Variants in RPS6KC1 observed in about 807,000 individuals in gnomAD.
RPS6KC1 encodes ribosomal protein S6 kinase C1.
In RPS6KC1, 54 loss-of-function variants were observed where a neutral mutation model predicts 103.8. The ratio of observed to expected loss-of-function variants is 0.52; its 90% CI spans 0.42 to 0.65. The LOEUF (loss-of-function observed/expected upper bound fraction) is 0.65. Ranked by LOEUF, RPS6KC1 falls within the 30% of genes least tolerant of loss-of-function variation. The probability of loss-of-function intolerance (pLI) is 0.00; values close to 1 mark genes in which losing one functional copy is unlikely to be tolerated. For missense variants in RPS6KC1, 1,151 were observed against 1,253.8 expected, an observed-to-expected ratio of 0.92 and a Z score of 1.24; for synonymous variants, 439 against 438.7, an observed-to-expected ratio of 1.00 and a Z score of -0.01.
At chr1:213,148,699 G>A (rs545235127) in intron 6 of RPS6KC1, among the ~76,000 whole-genome samples, 4 of 152,210 alleles carry the variant, frequency 2.6e-5, no homozygotes, top group African/African-American at 2.4e-5. Flanking sequence ...CTCATAGAAC[G>A]AGTTTATAAG....
chr1:213,474,088 C>T, the RPS6KC1 span, among the ~76,000 whole-genome samples: 1 of 152,202 alleles, frequency 6.6e-6, no homozygotes, highest in East Asian at 1.9e-4. Context: ...CTGCGATTTC[C>T]TCTCCCTTTG....
At chr1:213,461,882 AC>A in the RPS6KC1 span, among the ~76,000 whole-genome samples, 1 of 152,218 alleles carries the variant, frequency 6.6e-6, no homozygotes, top group African/African-American at 2.4e-5. Context: ...TGACTAAAAC[AC>A]CAAAAGCAAT....
At chr1:213,390,475 C>A in the RPS6KC1 span, among the ~76,000 whole-genome samples, 129,373 of 152,268 alleles carry the variant, frequency 0.85, 55,107 homozygotes, top group East Asian at 0.99. Flanking sequence ...ACCATGTAGG[C>A]ACGAGAGAGG....
the RPS6KC1 span, among the ~76,000 whole-genome samples, chr1:213,334,529 C>T: frequency 6.6e-5 from 10 of 152,274 alleles, no homozygotes; most frequent in Admixed American, 2.0e-4. Flanking sequence ...CCTGTACCAT[C>T]GAAGTGGAAG....
intron 8 of RPS6KC1, among the ~76,000 whole-genome samples, chr1:213,202,787 T>C (rs1211032564): frequency 6.6e-6 from 1 of 152,170 alleles, no homozygotes; most frequent in Non-Finnish European, 1.5e-5. Context: ...TTTCAAACCA[T>C]TTTAAAAGAC....
the RPS6KC1 span, chr1:213,821,643 G>C: frequency 6.6e-6 from 1 of 152,022 alleles, no homozygotes; most frequent in Non-Finnish European, 1.5e-5. Context: ...TAATCACTCT[G>C]TCACCTTGAT....
chr1:213,367,737 C>T, the RPS6KC1 span, among the ~76,000 whole-genome samples: 1 of 152,282 alleles, frequency 6.6e-6, no homozygotes, highest in Admixed American at 6.5e-5. Context: ...GGTTCTCAGA[C>T]CACACATTTT....
chr1:213,266,350 GT>G (rs1250774714), intron 14 of RPS6KC1, among the ~76,000 whole-genome samples: 1 of 152,178 alleles, frequency 6.6e-6, no homozygotes, highest in Non-Finnish European at 1.5e-5. Flanking sequence ...ACATCCAAGA[GT>G]GGAATTTCCT....
At chr1:213,357,897 G>A in the RPS6KC1 span, among the ~76,000 whole-genome samples, 1 of 152,240 alleles carries the variant, frequency 6.6e-6, no homozygotes, top group African/African-American at 2.4e-5. Context: ...AGGTGGTACC[G>A]CTTGGCATGA....
chr1:213,152,819 C>T (rs1218511972), intron 6 of RPS6KC1, among the ~76,000 whole-genome samples: 1 of 152,296 alleles, frequency 6.6e-6, no homozygotes, highest in East Asian at 1.9e-4. Flanking sequence ...AGAGATGCTC[C>T]TCACTTCCCA....
At chr1:213,279,612 C>T (rs1201765284), downstream of RPS6KC1, among the ~76,000 whole-genome samples, 1 of 152,122 alleles carries the variant, frequency 6.6e-6, no homozygotes, top group Non-Finnish European at 1.5e-5. Flanking sequence ...CTGATCTTTG[C>T]TCTTAGAAGA....
chr1:213,525,529 T>A, the RPS6KC1 span, among the ~76,000 whole-genome samples: 1 of 152,036 alleles, frequency 6.6e-6, no homozygotes, highest in East Asian at 1.9e-4. Flanking sequence ...GCCAGGAAAC[T>A]TAGATAATCT....
chr1:213,136,135 T>C (rs1412336329), intron 6 of RPS6KC1, among the ~76,000 whole-genome samples: 1 of 152,220 alleles, frequency 6.6e-6, no homozygotes, highest in Non-Finnish European at 1.5e-5. Flanking sequence ...CACCCTGTAT[T>C]TGCTATCCCC....
chr1:213,816,442 T>C, the RPS6KC1 span, among the ~76,000 whole-genome samples: 1 of 152,236 alleles, frequency 6.6e-6, no homozygotes, highest in Non-Finnish European at 1.5e-5. Context: ...TTTTCCATTT[T>C]GCCCTTAAGA....
At chr1:213,339,476 C>T in the RPS6KC1 span, among the ~76,000 whole-genome samples, 15 of 152,288 alleles carry the variant, frequency 9.8e-5, no homozygotes, top group Non-Finnish European at 5.9e-5. Flanking sequence ...AATAGTGTAG[C>T]GTTGCTTTAA....
the RPS6KC1 span, among the ~76,000 whole-genome samples, chr1:213,428,141 C>T: frequency 6.6e-6 from 1 of 152,166 alleles, no homozygotes; most frequent in Non-Finnish European, 1.5e-5. Flanking sequence ...AGGTTTTCTG[C>T]CTCAGACTTT....
the RPS6KC1 span, among the ~76,000 whole-genome samples, chr1:213,747,558 A>G: frequency 6.6e-6 from 1 of 152,350 alleles, no homozygotes; most frequent in African/African-American, 2.4e-5. Flanking sequence ...TTTAGTTTTA[A>G]GGTGAGAAAA....
chr1:213,223,473 C>T (rs900048559), intron 8 of RPS6KC1, among the ~76,000 whole-genome samples: 6 of 152,136 alleles, frequency 3.9e-5, no homozygotes, highest in African/African-American at 1.4e-4. Context: ...GTTTTCCATT[C>T]CTGAGTTACT....
chr1:213,497,956 C>G, the RPS6KC1 span, among the ~76,000 whole-genome samples: 1 of 151,966 alleles, frequency 6.6e-6, no homozygotes, highest in African/African-American at 2.4e-5. Context: ...CAAGATATAA[C>G]TAAATAAACT....
Sources: gnomAD v4.1 joint callset for allele counts (sites outside exome capture counted in the v4.1 genomes callset) on GRCh38, gnomAD v4.1.1 for gene constraint, MANE v1.5 for transcripts, NCBI Gene and HGNC (gene_info 2026-07-23, HGNC 2026-07-21) for gene names.